FHAD1: variants seen among roughly 807,000 people sequenced by gnomAD.
FHAD1 encodes the protein forkhead-associated domain-containing protein 1.
In FHAD1, 146 loss-of-function variants were observed where a neutral mutation model predicts 191.3. The ratio of observed to expected loss-of-function variants is 0.76; its 90% confidence interval spans 0.67 to 0.88. The LOEUF is 0.88. Ranked by LOEUF, FHAD1 falls within the 40% of genes least tolerant of loss-of-function variation. FHAD1 has a pLI of 0.00. For missense variants in FHAD1, 1,635 were observed against 1,785.8 expected, an observed-to-expected ratio of 0.92 and a Z score of 1.52; for synonymous variants, 616 against 672.3, an observed-to-expected ratio of 0.92 and a Z score of 1.29.
chr1:15,348,897 T>G (rs2102416900), intron 18 of FHAD1, 145 bp from the exon 19 acceptor site: 1 of 594,970 alleles, frequency 1.7e-6, no homozygotes, highest in East Asian at 2.9e-5. Flanking sequence ...ACTGAAGGGC[T>G]GGCCAGGGGC....
At chr1:15,363,838 G>A in intron 23 of FHAD1, 1 of 454,588 alleles carries the variant, frequency 2.2e-6, no homozygotes, top group Non-Finnish European at 4.4e-6. Context: ...TAAAGAAGGA[G>A]GCGCCGATGG....
intron 19 of FHAD1, among the ~76,000 whole-genome samples, chr1:15,351,890 T>C (rs746525432): frequency 6.6e-5 from 10 of 152,132 alleles, no homozygotes; most frequent in Admixed American, 3.9e-4. Flanking sequence ...ACACAGGTAA[T>C]GTTAAAACCG....
intron 2 of FHAD1, among the ~76,000 whole-genome samples, chr1:15,261,317 G>A (rs1227987694): frequency 6.6e-6 from 1 of 152,182 alleles, no homozygotes; most frequent in East Asian, 1.9e-4. Context: ...TAGTCAGGCT[G>A]TCTGGGACCG....
intron 8 of FHAD1, chr1:15,315,259 G>A (rs963730413): frequency 1.3e-5 from 2 of 152,104 alleles, no homozygotes; most frequent in Non-Finnish European, 2.9e-5. Context: ...GTCAGTACTT[G>A]AGTGCATATT....
chr1:15,299,074 C>T (rs982576037), intron 5 of FHAD1, among the ~76,000 whole-genome samples: 3 of 151,150 alleles, frequency 2.0e-5, no homozygotes, highest in Non-Finnish European at 2.9e-5. Flanking sequence ...GTGGAACTTG[C>T]CTATAGCCCC....
At chr1:15,314,464 G>A (rs1297301411) in intron 8 of FHAD1, 1 of 152,192 alleles carries the variant, frequency 6.6e-6, no homozygotes, top group Non-Finnish European at 1.5e-5. Context: ...AACAAAATCA[G>A]TTTTGAGAAG....
At position 15,382,019 on chromosome 1, in the gene FHAD1, T is replaced by C. The variant is rs1701033861; in HGVS notation, c.4023-9T>C. The C allele has an allele frequency of 6.4e-7, 1 of 1,551,892 alleles. No homozygotes were observed. The highest frequency in any genetic ancestry group is 8.7e-7 in the Non-Finnish European group (1 of 1,146,994). On this transcript the variant is annotated splice_polypyrimidine_tract_variant and intron_variant, in intron 30 of 33. Transcript: ENST00000688493. ...GGAAAAACAGACGCCATCTCTCCTGTGCACCCAGGCGGAGCAAAGTGTCCA... is the reference window on the plus strand; with the variant it reads ...GGAAAAACAGACGCCATCTCTCCTGCGCACCCAGGCGGAGCAAAGTGTCCA...
Position 15,382,292 on chromosome 1 carries a change from A to G in FHAD1, c.4188+99A>G, listed in dbSNP as rs1701102005. 3 of 1,226,814 alleles carry G rather than the reference A, an allele frequency of 2.4e-6. No homozygotes were observed. The Admixed American group carries it at 8.1e-5, about 33-fold the overall frequency. The allele number at this position is 1,226,814 out of a possible 1,614,324, so 76.0% of individuals were successfully genotyped here. On this transcript the variant is annotated intron_variant, in intron 31 of 33. Transcript: ENST00000688493. ...CCCTGGAGGATCCAGGTAGCACAGA[A>G]CACAGGGATGGATGCAAAGGGAGGC...
In FHAD1 at chr1:15,382,328, C is replaced by G. The variant is rs111559225; in HGVS notation, c.4188+135C>G. 1,182 of 870,368 alleles carry G rather than the reference C, an allele frequency of 1.4e-3. 6 individuals are homozygous for G. The highest frequency in any genetic ancestry group is 1.4e-3 in the Non-Finnish European group (822 of 573,328). The allele number at this position is 870,368 out of a possible 1,614,324, so 53.9% of individuals were successfully genotyped here. On this transcript the variant is annotated intron_variant, in intron 31 of 33. Transcript: ENST00000688493. ...GATGCAAAGGGAGGCAACTGGATAG[C>G]TTTTGCATCAGACAGACCTAGATTT...
In FHAD1 at chr1:15,289,688, G is replaced by A. The variant is rs962008813; in HGVS notation, c.568+22G>A. 15 of 1,532,016 alleles carry A rather than the reference G, an allele frequency of 9.8e-6. No individual in the cohort carries two copies. The highest frequency in any genetic ancestry group is 1.2e-5 in the South Asian group (1 of 83,218). 94.9% of individuals were successfully genotyped at this position (1,532,016 alleles called of 1,614,324 possible). A position where few individuals can be genotyped will look rare whatever the true frequency, so the allele number is the denominator to read the frequency against. Reference sequence around the variant, plus strand: ...CAAGGTATGCGTCAGGGCTGCCATTGGTGGCTTGGGGGTGGTTCACGGCCA... The same window carrying A: ...CAAGGTATGCGTCAGGGCTGCCATTAGTGGCTTGGGGGTGGTTCACGGCCA... On this transcript the variant is annotated intron_variant, in intron 4 of 33. Transcript: ENST00000688493. This position sits in a 1 kb window ranked among gnomAD's most constrained non-coding sequence, Gnocchi z 4.2.
At chr1:15,396,068 G>A (rs1705853772) in intron 33 of FHAD1, among the ~76,000 whole-genome samples, 1 of 152,224 alleles carries the variant, frequency 6.6e-6, no homozygotes, top group African/African-American at 2.4e-5. Context: ...CCAGCACTTT[G>A]GGAGGCCAAG....
intron 32 of FHAD1, among the ~76,000 whole-genome samples, chr1:15,389,790 C>G (rs1172777344): frequency 6.6e-6 from 1 of 152,040 alleles, no homozygotes; most frequent in Admixed American, 6.6e-5. Flanking sequence ...AACAAGATAC[C>G]CAGTTACATT....
intron 25 of FHAD1, among the ~76,000 whole-genome samples, chr1:15,368,333 A>G (rs940399930): frequency 6.6e-6 from 1 of 152,120 alleles, no homozygotes; most frequent in African/African-American, 2.4e-5. Context: ...GACCTTGCCC[A>G]CTATTGATTT....
At chr1:15,400,716 T>G (rs1707085770), downstream of FHAD1, among the ~76,000 whole-genome samples, 1 of 152,358 alleles carries the variant, frequency 6.6e-6, no homozygotes, top group Admixed American at 6.5e-5. Context: ...AAACCTGGTC[T>G]AGAGAGGCCT....
At chr1:15,380,132 C>T (rs1310974127) in intron 28 of FHAD1, among the ~76,000 whole-genome samples, 1 of 152,214 alleles carries the variant, frequency 6.6e-6, no homozygotes, top group Non-Finnish European at 1.5e-5. Context: ...CATGCCCACT[C>T]TGTGCCAGGT....
intron 3 of FHAD1, among the ~76,000 whole-genome samples, chr1:15,273,338 C>T (rs1401079048): frequency 3.3e-5 from 5 of 151,952 alleles, no homozygotes; most frequent in African/African-American, 1.2e-4. Flanking sequence ...TAAAATGCAG[C>T]TTTATTGAGG....
At chr1:15,252,790 C>G (rs546169497) in intron 2 of FHAD1, among the ~76,000 whole-genome samples, 1 of 152,344 alleles carries the variant, frequency 6.6e-6, no homozygotes, top group African/African-American at 2.4e-5. Context: ...TCATTCCATT[C>G]TCTGAATTAG....
chr1:15,345,656 C>T (rs1688633163), intron 18 of FHAD1, 133 bp downstream of exon 18: 1 of 730,254 alleles, frequency 1.4e-6, no homozygotes, highest in African/African-American at 1.8e-5. Context: ...TGGGTGGGCT[C>T]AGCTACTTTG....
chr1:15,339,718 G>T (rs532178023), intron 15 of FHAD1, among the ~76,000 whole-genome samples, 167 bp downstream of exon 15: 1 of 152,216 alleles, frequency 6.6e-6, no homozygotes, highest in South Asian at 2.1e-4. Flanking sequence ...TACAGAAAAG[G>T]TTGGCTAAGA....
Sources: gnomAD v4.1 joint callset for allele counts (sites outside exome capture counted in the v4.1 genomes callset) on GRCh38, gnomAD v4.1.1 for gene constraint, Gnocchi (gnomAD v3.1) non-coding constraint, MANE v1.5 for transcripts, NCBI Gene and HGNC (gene_info 2026-07-23, HGNC 2026-07-21) for gene names.